The following WWOX variants were observed in gnomAD, a reference collection of about 807,000 sequenced individuals.
WWOX encodes WW domain containing oxidoreductase.
In WWOX, 69 loss-of-function variants were observed where a neutral mutation model predicts 46.2. The observed-to-expected ratio is 1.49, with a 90% CI of 1.23 to 1.82. WWOX has a LOEUF of 1.82. Among genes scored for constraint, WWOX ranks in the 40% most tolerant of loss-of-function variants. WWOX has a pLI of 0.00. For missense variants in WWOX, 919 were observed against 542.6 expected, an observed-to-expected ratio of 1.69 and a Z score of -6.89; for synonymous variants, 359 against 202.6, an observed-to-expected ratio of 1.77 and a Z score of -6.56.
At chr16:78,559,086 G>C (rs1466995559) in intron 8 of WWOX, among the ~76,000 whole-genome samples, 1 of 152,228 alleles carries the variant, frequency 6.6e-6, no homozygotes, top group Non-Finnish European at 1.5e-5. Context: ...TTGGAGCCTA[G>C]CTTGGGAGAG....
chr16:79,167,393 T>C (rs1355927166), intron 8 of WWOX, among the ~76,000 whole-genome samples: 1 of 152,290 alleles, frequency 6.6e-6, no homozygotes, highest in East Asian at 1.9e-4. Flanking sequence ...TTCTGTAGTG[T>C]GTAGTTTCCC....
rs137927131 is a variant in WWOX, at chr16:78,114,731, T to C, written c.231-245T>C. ...ATCTAAGGATACATGGCAATAGTTA[T>C]TGTATGTTACAGCGTATGTTATAGG... On this transcript the variant is annotated intron_variant, in intron 3 of 8. Transcript: ENST00000566780. 5.1e-3 allele frequency among the ~76,000 whole-genome samples: 772 copies of C among 152,222 alleles called. 5 individuals carry two copies. The highest frequency in any genetic ancestry group is 0.013 in the South Asian group (64 of 4,824).
At position 78,288,088 on chromosome 16, in the gene WWOX, A is replaced by G. The variant is rs111834572; in HGVS notation, c.517-98772A>G. On this transcript the variant is annotated intron_variant, in intron 5 of 8. Coordinates refer to ENST00000566780, the MANE Select transcript of WWOX (RefSeq NM_016373.4). ...ATTTTTTAACTGTGCAATTTAAGTAATGATTTTTTTAATGCCTGCTACCTT... is the reference window on the plus strand; with the variant it reads ...ATTTTTTAACTGTGCAATTTAAGTAGTGATTTTTTTAATGCCTGCTACCTT... Among the ~76,000 whole-genome samples, 1,029 of 152,266 alleles carry G rather than the reference A, an allele frequency of 6.8e-3. 14 individuals carry two copies. Among genetic ancestry groups the G allele is most frequent in the African/African-American group, 0.024 (985 of 41,546 alleles).
intron 8 of WWOX, among the ~76,000 whole-genome samples, chr16:78,993,914 T>C (rs1567467672): frequency 6.6e-6 from 1 of 152,110 alleles, no homozygotes. Flanking sequence ...TTATTTCCAG[T>C]GTATGTGACC....
chr16:78,273,720 A>T (rs2079525762), intron 5 of WWOX, among the ~76,000 whole-genome samples: 1 of 152,210 alleles, frequency 6.6e-6, no homozygotes, highest in Non-Finnish European at 1.5e-5. Flanking sequence ...AATCAACAAG[A>T]TTTGGCCAAC....
At chr16:79,092,502 G>A (rs2048982996) in intron 8 of WWOX, among the ~76,000 whole-genome samples, 1 of 152,154 alleles carries the variant, frequency 6.6e-6, no homozygotes, top group African/African-American at 2.4e-5. Context: ...TCTTCCAGGA[G>A]CCCAGCTCTT....
intron 8 of WWOX, among the ~76,000 whole-genome samples, chr16:79,116,515 ACTTT>A (rs1364673132): frequency 2.0e-5 from 3 of 152,168 alleles, no homozygotes; most frequent in Non-Finnish European, 4.4e-5. Context: ...GCAAGAAATC[ACTTT>A]CTTTGCTCAT....
intron 8 of WWOX, among the ~76,000 whole-genome samples, chr16:78,738,730 G>A (rs1364291): frequency 0.27 from 40,430 of 151,938 alleles, 8,466 homozygotes; most frequent in African/African-American, 0.58. Flanking sequence ...CATTTGACAG[G>A]TGTGAATGCG....
At chr16:78,526,371 A>G (rs561054062) in intron 8 of WWOX, 2 of 152,396 alleles carry the variant, frequency 1.3e-5, no homozygotes, top group African/African-American at 4.8e-5. Context: ...GGCTGTGACA[A>G]AGAAGGACCC....
intron 6 of WWOX, among the ~76,000 whole-genome samples, chr16:78,421,214 C>G (rs2082920558): frequency 1.3e-5 from 2 of 152,190 alleles, no homozygotes; most frequent in Non-Finnish European, 2.9e-5. Context: ...TACTCTCTTA[C>G]AGTTTCAGAG....
At chr16:78,388,140 C>G (rs2082098324) in intron 6 of WWOX, among the ~76,000 whole-genome samples, 1 of 152,204 alleles carries the variant, frequency 6.6e-6, no homozygotes, top group African/African-American at 2.4e-5. Context: ...AAGTGATTTT[C>G]CTGTCCCAGC....
rs188740821 is a variant in WWOX at position 78,509,901 on chromosome 16, A to G, written c.1056+77149A>G. On this transcript the variant is annotated intron_variant, in intron 8 of 8. Transcript: ENST00000566780. Reference sequence around the variant, plus strand: ...CTGGGAGTTGGAAACCAGCCCAGGCAACATAGTGAGACCTCATCTCTTTAA... The same window carrying G: ...CTGGGAGTTGGAAACCAGCCCAGGCGACATAGTGAGACCTCATCTCTTTAA... Among the ~76,000 whole-genome samples the G allele has an allele frequency of 6.5e-4, 97 of 149,676 alleles. No individual in the cohort carries two copies. In the East Asian group the frequency reaches 9.0e-3, roughly 14 times the overall value.
intron 8 of WWOX, among the ~76,000 whole-genome samples, chr16:79,052,578 C>A (rs969581098): frequency 1.3e-5 from 2 of 152,172 alleles, no homozygotes; most frequent in Non-Finnish European, 2.9e-5. Context: ...GTGGCCTTTG[C>A]CTCTTTTAAA....
At chr16:78,667,188 G>C (rs915212363) in intron 8 of WWOX, among the ~76,000 whole-genome samples, 24 of 152,072 alleles carry the variant, frequency 1.6e-4, no homozygotes, top group African/African-American at 5.8e-4. Flanking sequence ...AAACTCTATG[G>C]GTGAACATGT....
chr16:78,999,950 G>A (rs1467841187), intron 8 of WWOX, among the ~76,000 whole-genome samples: 3 of 152,254 alleles, frequency 2.0e-5, no homozygotes, highest in Admixed American at 6.5e-5. Context: ...TATTTTCACC[G>A]GGAGCATTTT....
intron 8 of WWOX, among the ~76,000 whole-genome samples, chr16:78,612,545 A>G (rs1159621562): frequency 6.6e-6 from 1 of 152,200 alleles, no homozygotes; most frequent in East Asian, 1.9e-4. Context: ...GTACAATCAG[A>G]TTTCATTGCA....
chr16:78,807,742 GC>G (rs2051080655), intron 8 of WWOX, among the ~76,000 whole-genome samples: 1 of 152,236 alleles, frequency 6.6e-6, no homozygotes, highest in African/African-American at 2.4e-5. Flanking sequence ...CTCCAAAGTG[GC>G]CTGACCAAAC....
intron 8 of WWOX, among the ~76,000 whole-genome samples, chr16:78,587,381 C>A (rs183464552): frequency 1.3e-5 from 2 of 151,824 alleles, no homozygotes; most frequent in East Asian, 1.9e-4. Context: ...AGAAAGCAAC[C>A]AAAGGGAGCA....
At chr16:79,058,117 A>T (rs530021345) in intron 8 of WWOX, among the ~76,000 whole-genome samples, 1 of 88,412 alleles carries the variant, frequency 1.1e-5, no homozygotes, top group South Asian at 2.8e-4. Flanking sequence ...AAAAAAAAAA[A>T]AAACAAACAA....
Sources: gnomAD v4.1 joint callset for allele counts (sites outside exome capture counted in the v4.1 genomes callset) on GRCh38, gnomAD v4.1.1 for gene constraint, MANE v1.5 for transcripts, NCBI Gene and HGNC (gene_info 2026-07-23, HGNC 2026-07-21) for gene names.